SCIMP: variants seen among roughly 807,000 people sequenced by gnomAD.
SCIMP encodes the protein SLP adapter and CSK-interacting membrane protein.
SCIMP carries 18 observed loss-of-function variants against 22.0 expected under a neutral mutation model. The ratio of observed to expected loss-of-function variants is 0.82; its 90% CI spans 0.56 to 1.21. The LOEUF (loss-of-function observed/expected upper bound fraction) is 1.21. SCIMP is among the 50% of genes most tolerant of loss of function. SCIMP has a pLI of 0.00. For synonymous variants in SCIMP, 53 were observed against 62.2 expected (o/e 0.85, Z 0.70); for missense variants, 155 against 171.2 (o/e 0.91, Z 0.53).
chr17:5,226,289 T>C (rs967053476), intron 1 of SCIMP, among the ~76,000 whole-genome samples: 2 of 152,066 alleles, frequency 1.3e-5, no homozygotes, highest in African/African-American at 4.8e-5. Flanking sequence ...GGCCATGTAG[T>C]GTAGCTTCCA....
intron 1 of SCIMP, among the ~76,000 whole-genome samples, chr17:5,232,219 G>T (rs1363759690): frequency 6.6e-6 from 1 of 152,238 alleles, no homozygotes; most frequent in Non-Finnish European, 1.5e-5. Flanking sequence ...GTGTGCAGTT[G>T]TTTGCGCTGA....
intron 3 of SCIMP, 188 bp downstream of exon 3, chr17:5,221,099 C>T (rs2074603510): frequency 5.8e-6 from 4 of 685,808 alleles, no homozygotes; most frequent in Non-Finnish European, 1.1e-5. Flanking sequence ...GGAGGGAGGA[C>T]TTGCCCTGCA....
At position 5,221,363 on chromosome 17, in the gene SCIMP, A is replaced by T. The variant is rs1394377858; in HGVS notation, c.146-13T>A. 2 of 1,605,198 alleles carry T rather than the reference A, an allele frequency of 1.2e-6. No homozygotes were observed. Among genetic ancestry groups the T allele is most frequent in the Middle Eastern group, 1.7e-4 (1 of 6,048 alleles). On this transcript the variant is annotated splice_polypyrimidine_tract_variant and intron_variant, in intron 2 of 4. Transcript: ENST00000574081. ...TCCCATTTCTTGCCTAAGAGGGGAA[A>T]AGCATGTTCATTGAAGAAGAATTAG...
chr17:5,234,564 A>G (rs1049866756), intron 1 of SCIMP, 171 bp downstream of exon 1: 82 of 663,472 alleles, frequency 1.2e-4, no homozygotes, highest in Non-Finnish European at 1.4e-4. Flanking sequence ...CAGATCCTTC[A>G]ATGCAAGTTT....
At chr17:5,223,546 T>G (rs2074624379) in intron 1 of SCIMP, 90 bp from the exon 2 acceptor site, 23 of 1,313,050 alleles carry the variant, frequency 1.8e-5, no homozygotes, top group South Asian at 3.7e-5. Flanking sequence ...GTGGGTTGTT[T>G]TTTTTTTCTT....
intron 1 of SCIMP, among the ~76,000 whole-genome samples, chr17:5,224,165 C>T (rs555619168): frequency 3.9e-5 from 6 of 152,250 alleles, no homozygotes; most frequent in Non-Finnish European, 7.4e-5. Context: ...GACGGAGTCT[C>T]GCTCTGTAAC....
At chr17:5,219,190 G>A (rs1025012723) in intron 3 of SCIMP, among the ~76,000 whole-genome samples, 2 of 152,020 alleles carry the variant, frequency 1.3e-5, no homozygotes, top group East Asian at 1.9e-4. Context: ...GTGGTGGCGC[G>A]CGCCTGTAAT....
intron 1 of SCIMP, among the ~76,000 whole-genome samples, chr17:5,230,266 G>A (rs140642419): frequency 1.0e-3 from 153 of 152,280 alleles, no homozygotes; most frequent in African/African-American, 3.5e-3. Flanking sequence ...CCAAGCATGA[G>A]GCATTATTAA....
chr17:5,213,363 C>T (rs1303148209), intron 4 of SCIMP: 2 of 418,540 alleles, frequency 4.8e-6, no homozygotes, highest in African/African-American at 2.2e-5. Context: ...CCCCCCACCT[C>T]AGCCTTCCAA....
chr17:5,213,082 A>T, intron 4 of SCIMP: 1 of 967,606 alleles, frequency 1.0e-6, no homozygotes, highest in Non-Finnish European at 1.2e-6. Context: ...TTAAGGAAGA[A>T]CATTCCAGTC....
chr17:5,220,697 T>G (rs1200367964), intron 3 of SCIMP, among the ~76,000 whole-genome samples: 1 of 151,008 alleles, frequency 6.6e-6, no homozygotes, highest in South Asian at 2.1e-4. Flanking sequence ...TGAGCCGAGA[T>G]TGCGCCACTG....
intron 3 of SCIMP, among the ~76,000 whole-genome samples, chr17:5,217,633 A>G (rs1241777409): frequency 4.6e-4 from 62 of 135,892 alleles, no homozygotes; most frequent in African/African-American, 1.6e-3. Flanking sequence ...TCATTGTTCA[A>G]TTCCCACCTA....
At chr17:5,230,127 A>G (rs1335670105) in intron 1 of SCIMP, among the ~76,000 whole-genome samples, 1 of 152,144 alleles carries the variant, frequency 6.6e-6, no homozygotes. Context: ...GCACCTGGCC[A>G]GAGGGAATAG....
At chr17:5,216,833 A>G (rs957503975) in intron 3 of SCIMP, among the ~76,000 whole-genome samples, 1 of 152,108 alleles carries the variant, frequency 6.6e-6, no homozygotes, top group African/African-American at 2.4e-5. Context: ...GGGTCTGTTG[A>G]GTTCGTGGAA....
At chr17:5,227,331 A>ACACACACT (rs1161672279) in intron 1 of SCIMP, among the ~76,000 whole-genome samples, 1 of 149,372 alleles carries the variant, frequency 6.7e-6, no homozygotes, top group African/African-American at 2.5e-5. Context: ...ACACTCTTAC[A>ACACACACT]CTTAGCCAGG....
chr17:5,222,733 C>T (rs975149587), intron 2 of SCIMP, among the ~76,000 whole-genome samples: 25 of 152,138 alleles, frequency 1.6e-4, no homozygotes, highest in South Asian at 1.0e-3. Context: ...GGCACGATCT[C>T]GGCTCACTGC....
At chr17:5,217,923 T>C (rs1291997940) in intron 3 of SCIMP, among the ~76,000 whole-genome samples, 3 of 152,152 alleles carry the variant, frequency 2.0e-5, no homozygotes, top group African/African-American at 7.2e-5. Flanking sequence ...TTTGGGTATA[T>C]ACCCAGTAAT....
chr17:5,228,812 G>A (rs2074671857), intron 1 of SCIMP, among the ~76,000 whole-genome samples: 1 of 152,166 alleles, frequency 6.6e-6, no homozygotes, highest in Non-Finnish European at 1.5e-5. Flanking sequence ...AATTACCACT[G>A]TGTTTCTAGC....
At chr17:5,234,607 C>T in intron 1 of SCIMP, 128 bp downstream of exon 1, 2 of 929,814 alleles carry the variant, frequency 2.2e-6, no homozygotes, top group Non-Finnish European at 3.4e-6. Context: ...CGTACCAGGG[C>T]CCCAGGCTGC....
Sources: gnomAD v4.1 joint callset for allele counts (sites outside exome capture counted in the v4.1 genomes callset) on GRCh38, gnomAD v4.1.1 for gene constraint, MANE v1.5 for transcripts, NCBI Gene and HGNC (gene_info 2026-07-23, HGNC 2026-07-21) for gene names.